The following TMEM50B variants were observed in gnomAD, a reference collection of about 807,000 sequenced individuals.
TMEM50B encodes the protein transmembrane protein 50B.
TMEM50B carries 14 observed loss-of-function variants against 23.4 expected under a neutral mutation model. The observed-to-expected ratio is 0.60, with a 90% CI of 0.39 to 0.93. TMEM50B has a LOEUF of 0.93. Among genes scored for constraint, TMEM50B ranks in the 40% least tolerant of loss-of-function variants. The pLI, the probability that TMEM50B is intolerant of heterozygous loss-of-function variation, is 0.00. For missense variants in TMEM50B, 159 were observed against 193.0 expected (o/e 0.82, Z 1.04); for synonymous variants, 64 against 62.3 (o/e 1.03, Z -0.13).
rs894133412 is a variant in TMEM50B, at chr21:33,449,671, T to C, written c.*1147A>G. On this transcript the variant is annotated 3_prime_UTR_variant, in exon 7 of 7. Transcript: ENST00000542230. ...TCGGTAACTGAGTAGATGAAATGCA[T>C]AATTTTTCACTAGGTGATAATTCCC... The C allele has an allele frequency of 1.3e-5, 2 of 152,270 alleles. No individual in the cohort carries two copies. The highest frequency in any genetic ancestry group is 2.9e-5 in the Non-Finnish European group (2 of 68,036). 9.4% of individuals were successfully genotyped at this position (152,270 alleles called of 1,614,324 possible).
At chr21:33,467,592 C>T (rs192979945) in intron 2 of TMEM50B, among the ~76,000 whole-genome samples, 1 of 151,946 alleles carries the variant, frequency 6.6e-6, no homozygotes, top group African/African-American at 2.4e-5. Flanking sequence ...CCACTGCACT[C>T]CAGCCTGGAC....
At chr21:33,470,424 C>CAAAAA (rs71194848) in intron 1 of TMEM50B, among the ~76,000 whole-genome samples, 6,913 of 65,800 alleles carry the variant, frequency 0.11, 1,030 homozygotes, top group Non-Finnish European at 0.15. Flanking sequence ...GACTGTGTCT[C>CAAAAA]AAAAAAAAAA....
intron 4 of TMEM50B, among the ~76,000 whole-genome samples, chr21:33,461,198 T>C (rs1282897825): frequency 6.6e-6 from 1 of 152,156 alleles, no homozygotes; most frequent in East Asian, 1.9e-4. Context: ...GGAAGAAAGC[T>C]CCACTGAAGT....
At position 33,460,395 on chromosome 21, in the gene TMEM50B, A is replaced by G. The variant is rs1410960792; in HGVS notation, c.373+18T>C. ...ATCTGAATCTCTCCTATAAAATACA[A>G]GAAGAATATATACTTACTTTGGGTA... On this transcript the variant is annotated intron_variant, in intron 5 of 6. Transcript: ENST00000542230. The G allele has an allele frequency of 9.4e-6, 14 of 1,486,516 alleles. No homozygotes were observed. The highest frequency in any genetic ancestry group is 3.4e-5 in the Admixed American group (2 of 58,936). The allele number at this position is 1,486,516 out of a possible 1,614,324, so 92.1% of individuals were successfully genotyped here. A position where few individuals can be genotyped will look rare whatever the true frequency, so the allele number is the denominator to read the frequency against.
Position 33,467,270 on chromosome 21 carries a change from CAGGTGGATTACTTG to C in TMEM50B, c.100-162_100-149del. The C allele has an allele frequency of 6.4e-6, 4 of 629,272 alleles. No individual in the cohort carries two copies. The South Asian group carries it at 8.3e-5, about 13-fold the overall frequency. The allele number at this position is 629,272 out of a possible 1,614,324, so 39.0% of individuals were successfully genotyped here. ...ATCCCAGCACTTTGGGAGGCCAAGG[CAGGTGGATTACTTG>C]AGGTCAGGAGTTCAAGCCTGGTCAT... On this transcript the variant is annotated intron_variant, in intron 2 of 6. Coordinates refer to ENST00000542230, the MANE Select transcript of TMEM50B (RefSeq NM_006134.7).
downstream of TMEM50B, among the ~76,000 whole-genome samples, chr21:33,448,300 C>A (rs2084084655): frequency 6.6e-6 from 1 of 151,928 alleles, no homozygotes; most frequent in Non-Finnish European, 1.5e-5. Flanking sequence ...ACCACATTAT[C>A]TCTTTTTTTA....
chr21:33,443,452 G>A (rs1030814226), intron 7 of TMEM50B, among the ~76,000 whole-genome samples: 3 of 140,286 alleles, frequency 2.1e-5, no homozygotes, highest in Non-Finnish European at 4.7e-5. Context: ...GACCTAAACA[G>A]AACACAAAGG....
intron 6 of TMEM50B, among the ~76,000 whole-genome samples, chr21:33,453,873 G>T (rs2084144774): frequency 6.6e-6 from 1 of 152,080 alleles, no homozygotes. Flanking sequence ...GGAGGCTGAG[G>T]TGGGCAGATC....
intron 1 of TMEM50B, among the ~76,000 whole-genome samples, chr21:33,470,655 T>G (rs2084306758): frequency 1.3e-5 from 2 of 151,930 alleles, no homozygotes; most frequent in African/African-American, 4.8e-5. Context: ...GAGAATGGCA[T>G]GAACCCGGGA....
chr21:33,453,727 C>T (rs765356290), intron 6 of TMEM50B, among the ~76,000 whole-genome samples: 2 of 152,070 alleles, frequency 1.3e-5, no homozygotes, highest in Non-Finnish European at 2.9e-5. Context: ...TTAGAAGTTA[C>T]TTAATGATTT....
chr21:33,447,562 C>T (rs1438168885), downstream of TMEM50B, among the ~76,000 whole-genome samples: 1 of 152,056 alleles, frequency 6.6e-6, no homozygotes, highest in Non-Finnish European at 1.5e-5. Context: ...ATGTCAAACC[C>T]TCTGGGGGCT....
Position 33,450,704 on chromosome 21 carries a change from A to C in TMEM50B, c.*114T>G. On this transcript the variant is annotated 3_prime_UTR_variant, in exon 7 of 7. Coordinates refer to ENST00000542230, the MANE Select transcript of TMEM50B (RefSeq NM_006134.7). ...CAAAACTCAGAACATAAAAATGTAA[A>C]GAAACAAAACATTTAATGTACAATC... 1.3e-6 allele frequency: 1 copy of C among 781,016 alleles called. No individual in the cohort carries two copies. Among genetic ancestry groups the C allele is most frequent in the Non-Finnish European group, 2.0e-6 (1 of 489,836 alleles). 48.4% of individuals were successfully genotyped at this position (781,016 alleles called of 1,614,324 possible).
At chr21:33,446,240 ATTT>A (rs972337197), downstream of TMEM50B, among the ~76,000 whole-genome samples, 12 of 86,676 alleles carry the variant, frequency 1.4e-4, no homozygotes, top group Admixed American at 5.5e-4. Flanking sequence ...TTTATTTTTT[ATTT>A]TTTATTTTTT....
rs753818202 is a variant in TMEM50B at position 33,465,356 on chromosome 21, C to T, written c.266G>A (p.Cys89Tyr). 6.2e-7 allele frequency: 1 copy of T among 1,613,200 alleles called. No homozygotes were observed. Residue 89 changes from cysteine (C) to tyrosine (Y), a missense_variant, in exon 4 of 7, where the codon TGT becomes TAT. Cys to Tyr is a radical substitution (Grantham distance 194). Coordinates refer to ENST00000542230, the MANE Select transcript of TMEM50B (RefSeq NM_006134.7). ...AGTATCTTTACCTGTTCTTCCTAAA[C>T]AGCCGCTTTCATAGCTATCACCTCT... Reference protein sequence around the residue: ...QVRGDSYESGCLGRTGARVWL... With the variant: ...QVRGDSYESGYLGRTGARVWL...
At chr21:33,462,403 C>T (rs2084224946) in intron 4 of TMEM50B, among the ~76,000 whole-genome samples, 1 of 152,068 alleles carries the variant, frequency 6.6e-6, no homozygotes, top group African/African-American at 2.4e-5. Context: ...ATAATAATCA[C>T]TTAGGGTAAA....
At chr21:33,444,989 G>A (rs1045897828), downstream of TMEM50B, among the ~76,000 whole-genome samples, 1 of 150,234 alleles carries the variant, frequency 6.7e-6, no homozygotes, top group Admixed American at 6.7e-5. Flanking sequence ...AATTAGCCAG[G>A]ATGTAGTGGC....
At position 33,459,707 on chromosome 21, in the gene TMEM50B, G is replaced by T. The variant is rs559811986; in HGVS notation, c.373+706C>A. On this transcript the variant is annotated intron_variant, in intron 5 of 6. Transcript: ENST00000542230. ...AAATTACAGGATTAGGTTGGAGAGA[G>T]AAGGTGTCAATGAAACGAAAGATTA... 1.5e-4 allele frequency among the ~76,000 whole-genome samples: 22 copies of T among 151,476 alleles called. No homozygotes were observed. In the East Asian group the frequency reaches 4.3e-3, roughly 29 times the overall value.
downstream of TMEM50B, among the ~76,000 whole-genome samples, chr21:33,446,791 T>G (rs112863191): frequency 2.0e-5 from 3 of 151,910 alleles, no homozygotes; most frequent in African/African-American, 7.2e-5. Flanking sequence ...GGAGGATCAC[T>G]TGAGCTCAGG....
chr21:33,477,153 G>C (rs2084381056), intron 1 of TMEM50B, among the ~76,000 whole-genome samples: 1 of 152,032 alleles, frequency 6.6e-6, no homozygotes, highest in African/African-American at 2.4e-5. Context: ...ACAAAAATTA[G>C]GCATGGTGGC....
Sources: allele counts gnomAD v4.1 joint callset (sites outside exome capture counted in the v4.1 genomes callset), GRCh38; gene constraint gnomAD v4.1.1; transcripts MANE v1.5; gene names NCBI Gene and HGNC (gene_info 2026-07-23, HGNC 2026-07-21).